ST8SIA1: variants seen among roughly 807,000 people sequenced by gnomAD.
ST8SIA1 encodes the protein ST8 alpha-N-acetyl-neuraminide alpha-2,8-sialyltransferase 1.
A neutral mutation model predicts 35.9 loss-of-function variants in ST8SIA1; 16 were observed. The ratio of observed to expected loss-of-function variants is 0.45; its 90% CI spans 0.30 to 0.68. ST8SIA1 has a LOEUF of 0.68. Ranked by LOEUF, ST8SIA1 falls within the 30% of genes least tolerant of loss-of-function variation. ST8SIA1 has a pLI of 0.09. For synonymous variants in ST8SIA1, 170 were observed against 169.6 expected, an observed-to-expected ratio of 1.00 and a Z score of -0.02; for missense variants, 383 against 453.6, an observed-to-expected ratio of 0.84 and a Z score of 1.41.
intron 4 of ST8SIA1, among the ~76,000 whole-genome samples, chr12:22,218,092 G>C (rs1383281269): frequency 6.6e-6 from 1 of 152,198 alleles, no homozygotes; most frequent in East Asian, 1.9e-4. Flanking sequence ...GGGAGTCTGA[G>C]GGGGGCAGAT....
At chr12:22,319,342 C>T (rs1295883277) in intron 1 of ST8SIA1, among the ~76,000 whole-genome samples, 1 of 152,160 alleles carries the variant, frequency 6.6e-6, no homozygotes, top group Non-Finnish European at 1.5e-5. Flanking sequence ...ACAGTTGGTA[C>T]TCAATAAATG....
chr12:22,240,046 T>G (rs1865522417), intron 4 of ST8SIA1, among the ~76,000 whole-genome samples: 2 of 152,198 alleles, frequency 1.3e-5, no homozygotes. Flanking sequence ...AATAATGTAT[T>G]AAATAATATG....
intron 4 of ST8SIA1, among the ~76,000 whole-genome samples, chr12:22,225,043 T>A (rs150014031): frequency 4.4e-4 from 67 of 152,238 alleles, no homozygotes; most frequent in Non-Finnish European, 8.8e-4. Flanking sequence ...GCTGAGTCTA[T>A]CAGCCAGGAA....
intron 4 of ST8SIA1, among the ~76,000 whole-genome samples, chr12:22,218,463 C>T (rs1023660093): frequency 1.3e-5 from 2 of 151,362 alleles, no homozygotes; most frequent in African/African-American, 4.9e-5. Flanking sequence ...ATAAAAAATA[C>T]AAAAATTAGC....
intron 4 of ST8SIA1, among the ~76,000 whole-genome samples, chr12:22,210,658 T>C (rs1303132726): frequency 6.6e-6 from 1 of 152,180 alleles, no homozygotes; most frequent in Non-Finnish European, 1.5e-5. Flanking sequence ...AATCCCTTCT[T>C]CATGTTGGAT....
intron 3 of ST8SIA1, among the ~76,000 whole-genome samples, chr12:22,253,337 T>C (rs934524850): frequency 1.3e-5 from 2 of 152,158 alleles, no homozygotes; most frequent in African/African-American, 4.8e-5. Flanking sequence ...TTCTCACCTA[T>C]TCATGCTCTC....
At chr12:22,239,684 T>C (rs1865517973) in intron 4 of ST8SIA1, among the ~76,000 whole-genome samples, 1 of 152,252 alleles carries the variant, frequency 6.6e-6, no homozygotes, top group Non-Finnish European at 1.5e-5. Flanking sequence ...GAATTTACAC[T>C]ATTGATGGCT....
At chr12:22,216,091 T>C (rs1372267303) in intron 4 of ST8SIA1, among the ~76,000 whole-genome samples, 2 of 152,214 alleles carry the variant, frequency 1.3e-5, no homozygotes, top group African/African-American at 2.4e-5. Context: ...TAGTTTATCA[T>C]GGCAGTTGGC....
At chr12:22,212,489 A>G (rs1865186295) in intron 4 of ST8SIA1, among the ~76,000 whole-genome samples, 1 of 152,050 alleles carries the variant, frequency 6.6e-6, no homozygotes, top group South Asian at 2.1e-4. Flanking sequence ...ATACCTTCTC[A>G]TTTTATGGGT....
chr12:22,227,301 G>A (rs1039345514), intron 4 of ST8SIA1, among the ~76,000 whole-genome samples: 6 of 151,916 alleles, frequency 3.9e-5, no homozygotes, highest in Non-Finnish European at 7.4e-5. Flanking sequence ...GAGGCCAGGC[G>A]CGGTGGCTCA....
chr12:22,235,649 G>T (rs74068746), intron 4 of ST8SIA1, among the ~76,000 whole-genome samples: 4,660 of 152,274 alleles, frequency 0.031, 200 homozygotes, highest in South Asian at 0.15. Context: ...CTTAAAGTTT[G>T]CCTTCCACAG....
intron 1 of ST8SIA1, among the ~76,000 whole-genome samples, chr12:22,304,188 ATTTT>A (rs1007589151): frequency 6.6e-6 from 1 of 151,996 alleles, no homozygotes; most frequent in Admixed American, 6.6e-5. Context: ...ATTTAAAAAG[ATTTT>A]TTTTAAGGAG....
At chr12:22,223,060 A>G (rs1216697258) in intron 4 of ST8SIA1, among the ~76,000 whole-genome samples, 1 of 152,156 alleles carries the variant, frequency 6.6e-6, no homozygotes, top group Non-Finnish European at 1.5e-5. Flanking sequence ...TACTTCCTTC[A>G]TTTATTTAAC....
intron 4 of ST8SIA1, 25 bp from the exon 5 acceptor site, chr12:22,202,063 C>T: frequency 2.0e-6 from 3 of 1,538,284 alleles, no homozygotes; most frequent in Non-Finnish European, 2.6e-6. Flanking sequence ...AAAAACTGTT[C>T]AATTAAACCT....
chr12:22,278,240 G>C (rs1591842273), intron 2 of ST8SIA1, among the ~76,000 whole-genome samples: 1 of 152,244 alleles, frequency 6.6e-6, no homozygotes, highest in African/African-American at 2.4e-5. Flanking sequence ...TTATTTTGTA[G>C]ATTTTTGATT....
At chr12:22,266,185 C>T (rs548684256) in intron 2 of ST8SIA1, among the ~76,000 whole-genome samples, 2 of 151,966 alleles carry the variant, frequency 1.3e-5, no homozygotes, top group South Asian at 2.1e-4. Context: ...AATTATTTTT[C>T]AACCTTAAGA....
Position 22,219,473 on chromosome 12 carries a change from A to G in ST8SIA1, c.585-17435T>C, listed in dbSNP as rs73265986. Among the ~76,000 whole-genome samples, 317 of 152,188 alleles carry G rather than the reference A, an allele frequency of 2.1e-3. 2 individuals are homozygous for G. Among genetic ancestry groups the G allele is most frequent in the African/African-American group, 6.7e-3 (278 of 41,518 alleles). On this transcript the variant is annotated intron_variant, in intron 4 of 4. Coordinates refer to ENST00000396037, the MANE Select transcript of ST8SIA1 (RefSeq NM_003034.4). Reference sequence around the variant, plus strand: ...TCAGAGCCAGGATAGGGTGGAGGCGAGGGCACTTGAAACCATTTCCCAGGC... The same window carrying G: ...TCAGAGCCAGGATAGGGTGGAGGCGGGGGCACTTGAAACCATTTCCCAGGC...
In ST8SIA1 at chr12:22,249,527, G is replaced by A. The variant is rs970437428; in HGVS notation, c.492-429C>T. ...GAGCCACTGCACCCAGCCAGTAACT[G>A]TTTTTTGTTTTGTTTTGTTTTGTTT... On this transcript the variant is annotated intron_variant, in intron 3 of 4. Coordinates refer to ENST00000396037, the MANE Select transcript of ST8SIA1 (RefSeq NM_003034.4). Among the ~76,000 whole-genome samples the A allele has an allele frequency of 2.0e-5, 3 of 148,318 alleles. No individual in the cohort carries two copies. The South Asian group carries it at 6.4e-4, about 32-fold the overall frequency.
At chr12:22,329,967 G>A (rs1391832326) in intron 1 of ST8SIA1, among the ~76,000 whole-genome samples, 2 of 152,148 alleles carry the variant, frequency 1.3e-5, no homozygotes, top group Non-Finnish European at 2.9e-5. Context: ...TTTCTAATGA[G>A]CCATACCTTA....
Sources: gnomAD v4.1 joint callset for allele counts (sites outside exome capture counted in the v4.1 genomes callset) on GRCh38, gnomAD v4.1.1 for gene constraint, MANE v1.5 for transcripts, NCBI Gene and HGNC (gene_info 2026-07-23, HGNC 2026-07-21) for gene names.